PDZRN3: variants seen among roughly 807,000 people sequenced by gnomAD.
PDZRN3 encodes the protein PDZ domain containing ring finger 3, also known as E3 ubiquitin-protein ligase PDZRN3.
A neutral mutation model predicts 85.7 loss-of-function variants in PDZRN3; 38 were observed. The observed-to-expected ratio is 0.44, with a 90% CI of 0.34 to 0.58. The LOEUF is 0.58. PDZRN3 is among the 20% of genes least tolerant of loss of function. The pLI is 0.01. For missense variants in PDZRN3, 1,629 were observed against 1,506.4 expected (o/e 1.08, Z -1.35); for synonymous variants, 759 against 638.0 (o/e 1.19, Z -2.86).
intron 1 of PDZRN3, among the ~76,000 whole-genome samples, chr3:73,616,919 T>C (rs1298535361): frequency 6.6e-6 from 1 of 152,108 alleles, no homozygotes; most frequent in African/African-American, 2.4e-5. Context: ...ACCCGAATAT[T>C]GCTGATCCCA....
In PDZRN3 at chr3:73,384,272, C is replaced by A; in HGVS notation, c.2294G>T (p.Arg765Leu). 2 of 1,612,850 alleles carry A rather than the reference C, an allele frequency of 1.2e-6. No homozygotes were observed. The highest frequency in any genetic ancestry group is 1.1e-5 in the South Asian group (1 of 91,070). ...SSAYNTGESC[R>L]STPLTLEISP... ...GATCTCCAGGGTGAGCGGGGTGCTG[C>A]GGCAGCTCTCGCCTGTGTTGTAGGC... Residue 765 changes from arginine (R) to leucine (L), a missense_variant, in exon 10 of 10, where the codon CGC becomes CTC. Coordinates refer to ENST00000263666, the MANE Select transcript of PDZRN3 (RefSeq NM_015009.3).
chr3:73,386,275 T>G (rs909255100), intron 8 of PDZRN3, among the ~76,000 whole-genome samples: 10 of 138,164 alleles, frequency 7.2e-5, no homozygotes, highest in African/African-American at 2.7e-4. Context: ...TCTCCCAGGC[T>G]GGAGTGCAGT....
At chr3:73,436,014 A>T (rs1483091071) in intron 3 of PDZRN3, among the ~76,000 whole-genome samples, 2 of 152,072 alleles carry the variant, frequency 1.3e-5, no homozygotes, top group Non-Finnish European at 2.9e-5. Flanking sequence ...GGGCCTCTGC[A>T]GGTCTCTCTG....
intron 3 of PDZRN3, among the ~76,000 whole-genome samples, chr3:73,551,268 A>G (rs1575729785): frequency 6.6e-6 from 1 of 152,346 alleles, no homozygotes. Flanking sequence ...GAGCTTTGAA[A>G]TACTTTGGTA....
chr3:73,433,982 TG>T, intron 3 of PDZRN3: 1 of 1,288,200 alleles, frequency 7.8e-7, no homozygotes, highest in Non-Finnish European at 9.9e-7. Flanking sequence ...CTCCTCTGAG[TG>T]ACTCTGGCAG....
chr3:73,451,338 T>G (rs915795392), intron 3 of PDZRN3, among the ~76,000 whole-genome samples: 6 of 152,218 alleles, frequency 3.9e-5, no homozygotes, highest in African/African-American at 1.4e-4. Flanking sequence ...AGTGGATGTG[T>G]GGCTCTATGT....
chr3:73,571,732 C>T (rs941913743), intron 3 of PDZRN3, among the ~76,000 whole-genome samples: 1 of 152,168 alleles, frequency 6.6e-6, no homozygotes, highest in Non-Finnish European at 1.5e-5. Flanking sequence ...GCAGGCGGCT[C>T]TCACCTCATC....
intron 1 of PDZRN3, among the ~76,000 whole-genome samples, chr3:73,618,153 T>C (rs1010282599): frequency 6.6e-5 from 10 of 152,218 alleles, no homozygotes; most frequent in African/African-American, 2.4e-4. Context: ...TGGAGGACAC[T>C]TGGCAAGTTA....
chr3:73,433,782 A>C, intron 3 of PDZRN3: 1 of 1,524,392 alleles, frequency 6.6e-7, no homozygotes, highest in Non-Finnish European at 8.8e-7. Context: ...CAGTGCAGGC[A>C]TTGAAGGTAT....
intron 3 of PDZRN3, among the ~76,000 whole-genome samples, chr3:73,494,790 C>T (rs1703835926): frequency 1.3e-5 from 2 of 152,134 alleles, no homozygotes; most frequent in South Asian, 4.1e-4. Flanking sequence ...CTAAAGAGCA[C>T]ACATAATTTT....
Position 73,404,329 on chromosome 3 carries a change from C to T in PDZRN3, c.985G>A (p.Glu329Lys). ...CTCAACACCTGCACCACTATGGGCT[C>T]CTTGGCTGTCTTGAAAGCTTCCACA... Reference protein sequence around the residue: ...QAVEAFKTAKEPIVVQVLRRT... With the variant: ...QAVEAFKTAKKPIVVQVLRRT... Residue 329 changes from glutamate to lysine, a missense_variant, in exon 4 of 10, where the codon GAG becomes AAG. Glu to Lys is a moderately conservative substitution (Grantham distance 56). Coordinates refer to ENST00000263666, the MANE Select transcript of PDZRN3 (RefSeq NM_015009.3). 6.2e-7 allele frequency: 1 copy of T among 1,614,136 alleles called. No individual in the cohort carries two copies. The highest frequency in any genetic ancestry group is 1.3e-5 in the African/African-American group (1 of 75,046).
In PDZRN3 at chr3:73,574,181, G is replaced by GA. The variant is rs1273133195; in HGVS notation, c.918+28172dup. Among the ~76,000 whole-genome samples, 9 of 152,270 alleles carry GA rather than the reference G, an allele frequency of 5.9e-5. No individual in the cohort carries two copies. In the South Asian group the frequency reaches 1.9e-3, roughly 32 times the overall value. ...ATATTTGACACTCAGCCTACAAAGG[G>GA]AAAAAATGTCAAACATCAATTATCT... On this transcript the variant is annotated intron_variant, in intron 3 of 9. Coordinates refer to ENST00000263666, the MANE Select transcript of PDZRN3 (RefSeq NM_015009.3).
In PDZRN3 at chr3:73,383,710, T is replaced by C. The variant is rs1375789877; in HGVS notation, c.2856A>G (p.Glu952=). The C allele has an allele frequency of 2.5e-6, 4 of 1,611,634 alleles. No homozygotes were observed. The Admixed American group carries it at 5.0e-5, about 20-fold the overall frequency. The part of the protein sequence containing the change: ...LLRERALKIR[E]ERSGMTTDDD... ...CGTCGGTGGTCATGCCGCTGCGCTC[T>C]TCCCGGATCTTCAGGGCGCGCTCCC... Residue 952 remains glutamate (E), a synonymous_variant, in exon 10 of 10, where the codon GAA becomes GAG. Transcript: ENST00000263666.
Position 73,624,434 on chromosome 3 carries a change from C to T in PDZRN3, c.392G>A (p.Arg131His), listed in dbSNP as rs960270655. ...CACTGGCCGCGCGTCGCAGGCGTCG[C>T]GCATGTGCGCCTCCACGTCGCGCCG... ...LLRRDVEAHMRDACDARPVGR... is the reference protein window; with the variant it reads ...LLRRDVEAHMHDACDARPVGR... The change falls in exon 1 of 10, where the codon CGC (arginine) becomes CAC (histidine). Residue 131 changes from arginine to histidine, a missense_variant. Arg to His is a conservative substitution (Grantham distance 29). Transcript: ENST00000263666. The T allele has an allele frequency of 1.4e-4, 189 of 1,329,860 alleles. No homozygotes were observed. The highest frequency in any genetic ancestry group is 2.1e-4 in the Admixed American group (5 of 24,246). The allele number at this position is 1,329,860 out of a possible 1,614,324, so 82.4% of individuals were successfully genotyped here.
intron 3 of PDZRN3, among the ~76,000 whole-genome samples, chr3:73,501,569 A>G (rs1037376329): frequency 2.0e-5 from 3 of 152,222 alleles, no homozygotes; most frequent in African/African-American, 7.2e-5. Flanking sequence ...CTGTGTGCCT[A>G]CTATGTAAAA....
At chr3:73,520,452 C>T (rs1411880219) in intron 3 of PDZRN3, among the ~76,000 whole-genome samples, 2 of 151,670 alleles carry the variant, frequency 1.3e-5, no homozygotes, top group Non-Finnish European at 2.9e-5. Flanking sequence ...TGCAGTGAGC[C>T]GAGATCCCAC....
intron 3 of PDZRN3, among the ~76,000 whole-genome samples, chr3:73,555,579 T>C (rs1250085043): frequency 1.3e-5 from 2 of 152,210 alleles, no homozygotes; most frequent in East Asian, 1.9e-4. Context: ...TGCTCCAGTA[T>C]GATGACCTCC....
chr3:73,403,366 G>A (rs1701792529), intron 4 of PDZRN3, among the ~76,000 whole-genome samples: 1 of 152,086 alleles, frequency 6.6e-6, no homozygotes, highest in South Asian at 2.1e-4. Context: ...TAAATTAACG[G>A]TGATCGCTGG....
At chr3:73,586,312 T>C (rs549299994) in intron 3 of PDZRN3, among the ~76,000 whole-genome samples, 187 of 152,096 alleles carry the variant, frequency 1.2e-3, no homozygotes, top group African/African-American at 3.8e-3. Context: ...CTGCAGGAGG[T>C]GTTGTCGAAG....
Sources: allele counts gnomAD v4.1 joint callset (sites outside exome capture counted in the v4.1 genomes callset), GRCh38; gene constraint gnomAD v4.1.1; transcripts MANE v1.5; gene names NCBI Gene and HGNC (gene_info 2026-07-23, HGNC 2026-07-21).